The following CATSPERT variants were observed in gnomAD, a reference collection of about 807,000 sequenced individuals.
The protein encoded by CATSPERT is catsper channel auxiliary subunit tau, also known as cation channel sperm-associated targeting subunit tau.
the CATSPERT span, among the ~76,000 whole-genome samples, chr2:201,566,936 C>A: frequency 6.6e-6 from 1 of 152,124 alleles, no homozygotes; most frequent in Non-Finnish European, 1.5e-5. Context: ...ATTATTAGAT[C>A]CTATTTCATA....
chr2:201,491,444 T>G, the CATSPERT span: 1 of 1,537,192 alleles, frequency 6.5e-7, no homozygotes, highest in Non-Finnish European at 8.7e-7. Context: ...CATTTTTCAC[T>G]GCAAATTTCA....
the CATSPERT span, among the ~76,000 whole-genome samples, chr2:201,581,063 T>TA: frequency 6.6e-6 from 1 of 152,166 alleles, no homozygotes; most frequent in African/African-American, 2.4e-5. Flanking sequence ...AATGTATACA[T>TA]ATTTCAAAAC....
At chr2:201,571,594 T>C in the CATSPERT span, among the ~76,000 whole-genome samples, 12 of 152,318 alleles carry the variant, frequency 7.9e-5, no homozygotes, top group African/African-American at 2.9e-4. Context: ...GACAGTCTTA[T>C]GTTAAGTCTC....
At chr2:201,521,349 G>A in the CATSPERT span, among the ~76,000 whole-genome samples, 79 of 152,188 alleles carry the variant, frequency 5.2e-4, 2 homozygotes, top group South Asian at 0.016. Context: ...ATGGCTGGGA[G>A]GCCTCAGGAA....
At chr2:201,602,596 C>A in the CATSPERT span, among the ~76,000 whole-genome samples, 1 of 152,048 alleles carries the variant, frequency 6.6e-6, no homozygotes, top group African/African-American at 2.4e-5. Context: ...CATTATCATA[C>A]AAGAAGATAT....
At chr2:201,487,756 C>T in the CATSPERT span, 10 of 1,613,950 alleles carry the variant, frequency 6.2e-6, no homozygotes, top group East Asian at 6.7e-5. Context: ...TGTTAACCTC[C>T]GGAGCAGTAT....
the CATSPERT span, chr2:201,535,608 C>A: frequency 5.5e-6 from 6 of 1,083,304 alleles, no homozygotes; most frequent in Non-Finnish European, 6.7e-6. Context: ...AATTACTAAC[C>A]CAAGAGATTA....
At chr2:201,488,432 C>T in the CATSPERT span, among the ~76,000 whole-genome samples, 1 of 152,048 alleles carries the variant, frequency 6.6e-6, no homozygotes, top group Non-Finnish European at 1.5e-5. Context: ...GTGTGCCACA[C>T]CCAAGAATAT....
At chr2:201,610,584 AAGAC>A in the CATSPERT span, among the ~76,000 whole-genome samples, 2 of 152,216 alleles carry the variant, frequency 1.3e-5, no homozygotes, top group East Asian at 3.9e-4. Flanking sequence ...AAAAATGAAG[AAGAC>A]AGAATTCTCC....
At chr2:201,560,886 G>A in the CATSPERT span, among the ~76,000 whole-genome samples, 1 of 151,860 alleles carries the variant, frequency 6.6e-6, no homozygotes, top group South Asian at 2.1e-4. Flanking sequence ...AGGTTCCAAC[G>A]ATTCTCCTGC....
chr2:201,605,298 G>T, the CATSPERT span, among the ~76,000 whole-genome samples: 4 of 152,214 alleles, frequency 2.6e-5, no homozygotes, highest in Admixed American at 2.0e-4. Context: ...ACAGGTCTAG[G>T]AGTTGGTAGT....
At chr2:201,598,631 G>GAGTGC in the CATSPERT span, among the ~76,000 whole-genome samples, 1 of 151,980 alleles carries the variant, frequency 6.6e-6, no homozygotes, top group Non-Finnish European at 1.5e-5. Context: ...GCCCAGGCTG[G>GAGTGC]AGTGCAGTAG....
At chr2:201,527,157 C>CA in the CATSPERT span, among the ~76,000 whole-genome samples, 93,113 of 151,928 alleles carry the variant, frequency 0.61, 30,302 homozygotes, top group East Asian at 0.95. Flanking sequence ...ATCCCATTCA[C>CA]ATAGCCAAAA....
the CATSPERT span, among the ~76,000 whole-genome samples, chr2:201,503,254 A>G: frequency 6.6e-6 from 1 of 152,246 alleles, no homozygotes; most frequent in Admixed American, 6.5e-5. Context: ...TTTTAAAAAT[A>G]CATTTTATTA....
At chr2:201,513,498 A>T in the CATSPERT span, among the ~76,000 whole-genome samples, 2 of 152,360 alleles carry the variant, frequency 1.3e-5, no homozygotes, top group African/African-American at 4.8e-5. Context: ...AAATTAGTTC[A>T]GCCGCTGTGG....
At chr2:201,583,864 A>C in the CATSPERT span, among the ~76,000 whole-genome samples, 1 of 152,336 alleles carries the variant, frequency 6.6e-6, no homozygotes, top group South Asian at 2.1e-4. Flanking sequence ...AGGAACAAAA[A>C]CCAAACTGAA....
chr2:201,537,475 G>A, the CATSPERT span: 3 of 1,585,350 alleles, frequency 1.9e-6, no homozygotes, highest in South Asian at 3.5e-5. Context: ...TTACAAGAGG[G>A]ATATCTGCTT....
chr2:201,551,659 G>A, the CATSPERT span, among the ~76,000 whole-genome samples: 1 of 152,024 alleles, frequency 6.6e-6, no homozygotes, highest in Non-Finnish European at 1.5e-5. Context: ...TGCGTGAGAC[G>A]TCTCTCCAGT....
At chr2:201,595,191 C>CTTT in the CATSPERT span, among the ~76,000 whole-genome samples, 4 of 111,726 alleles carry the variant, frequency 3.6e-5, no homozygotes, top group African/African-American at 1.3e-4. Flanking sequence ...AGTTTTCCTT[C>CTTT]TTTTTTTTTT....
Sources: allele counts gnomAD v4.1 joint callset (sites outside exome capture counted in the v4.1 genomes callset), GRCh38; gene constraint gnomAD v4.1.1; transcripts MANE v1.5; gene names NCBI Gene and HGNC (gene_info 2026-07-23, HGNC 2026-07-21).